Variants in METTL15 observed in about 807,000 individuals in gnomAD.
METTL15 encodes methyltransferase 15, mitochondrial 12S rRNA N4-cytidine, also known as 12S rRNA N(4)-cytidine methyltransferase METTL15.
A neutral mutation model predicts 38.3 loss-of-function variants in METTL15; 34 were observed. The ratio of observed to expected loss-of-function variants is 0.89; its 90% CI spans 0.68 to 1.18. The LOEUF (loss-of-function observed/expected upper bound fraction) is 1.18. Ranked by LOEUF, METTL15 falls within the 50% of genes most tolerant of loss-of-function variation. The pLI, the probability that METTL15 is intolerant of heterozygous loss-of-function variation, is 0.00. For synonymous variants in METTL15, 162 were observed against 170.9 expected (o/e 0.95, Z 0.41); for missense variants, 438 against 498.4 (o/e 0.88, Z 1.15).
chr11:28,482,044 C>T (rs967761391), intron 6 of METTL15, among the ~76,000 whole-genome samples: 1 of 152,094 alleles, frequency 6.6e-6, no homozygotes, highest in Admixed American at 6.5e-5. Context: ...CCTAGGCACC[C>T]CTGCTGCAAG....
chr11:28,473,906 A>C (rs1230268072), intron 6 of METTL15, among the ~76,000 whole-genome samples: 2 of 151,844 alleles, frequency 1.3e-5, no homozygotes, highest in African/African-American at 4.8e-5. Flanking sequence ...CTTCATCTGA[A>C]GTTTTTATGC....
chr11:28,136,475 T>A (rs1849518062), intron 3 of METTL15, among the ~76,000 whole-genome samples: 1 of 152,160 alleles, frequency 6.6e-6, no homozygotes, highest in African/African-American at 2.4e-5. Context: ...CTCTTTCCTT[T>A]ATAAATTACC....
intron 5 of METTL15, among the ~76,000 whole-genome samples, chr11:28,392,657 G>T (rs1271343262): frequency 6.6e-6 from 1 of 152,028 alleles, no homozygotes; most frequent in Non-Finnish European, 1.5e-5. Context: ...CAGACAAATG[G>T]TACTATATCA....
intron 5 of METTL15, among the ~76,000 whole-genome samples, chr11:28,386,331 A>G (rs1019081436): frequency 6.6e-6 from 1 of 152,030 alleles, no homozygotes; most frequent in Non-Finnish European, 1.5e-5. Flanking sequence ...AAATCCGACT[A>G]TAAGCTGTCT....
At chr11:28,349,061 C>G (rs750653760) in intron 3 of METTL15, among the ~76,000 whole-genome samples, 2 of 152,178 alleles carry the variant, frequency 1.3e-5, no homozygotes, top group Non-Finnish European at 2.9e-5. Flanking sequence ...CAGCAGATAG[C>G]TAGGAACCAC....
intron 4 of METTL15, among the ~76,000 whole-genome samples, chr11:28,279,676 G>A (rs1194013990): frequency 3.3e-5 from 5 of 152,078 alleles, no homozygotes; most frequent in Non-Finnish European, 5.9e-5. Context: ...CGAGGCAGGT[G>A]GATCACAAGG....
intron 6 of METTL15, among the ~76,000 whole-genome samples, chr11:28,428,865 C>T (rs1417658745): frequency 6.6e-6 from 1 of 152,170 alleles, no homozygotes; most frequent in Non-Finnish European, 1.5e-5. Flanking sequence ...ACTGGCAGAT[C>T]CCCTTCCTAT....
chr11:28,530,757 G>A (rs1409555705), downstream of METTL15, among the ~76,000 whole-genome samples: 1 of 151,634 alleles, frequency 6.6e-6, no homozygotes, highest in Non-Finnish European at 1.5e-5. Flanking sequence ...TATTATTTTT[G>A]TAATAATGAA....
At chr11:28,144,398 C>A (rs995359683) in intron 3 of METTL15, among the ~76,000 whole-genome samples, 1 of 152,092 alleles carries the variant, frequency 6.6e-6, no homozygotes, top group Admixed American at 6.6e-5. Context: ...ATATAATATT[C>A]GCAGTCTTAG....
At chr11:28,333,751 ATATAT>A (rs1281717975), downstream of METTL15, among the ~76,000 whole-genome samples, 2 of 151,816 alleles carry the variant, frequency 1.3e-5, no homozygotes, top group African/African-American at 4.8e-5. Context: ...GTAGTATATG[ATATAT>A]TATTTGTGCT....
At chr11:28,341,210 A>G (rs1216999390) in intron 3 of METTL15, among the ~76,000 whole-genome samples, 1 of 152,106 alleles carries the variant, frequency 6.6e-6, no homozygotes, top group Non-Finnish European at 1.5e-5. Flanking sequence ...TAGGAGAAAT[A>G]CCTATTGTAG....
Position 28,296,933 on chromosome 11 carries a change from T to C in METTL15, c.778+2T>C, listed in dbSNP as rs1160034492. ...AGCAGCTTGCCAGCATCGTTGCAGG[T>C]AGCCTCATTAATTCTCAACAGTGTC... On this transcript the variant is annotated splice_donor_variant, in intron 6 of 6. Coordinates refer to ENST00000407364, the MANE Select transcript of METTL15 (RefSeq NM_001113528.2). LOFTEE classifies it high-confidence loss of function. 6.2e-7 allele frequency: 1 copy of C among 1,613,208 alleles called. No homozygotes were observed. The highest frequency in any genetic ancestry group is 8.5e-7 in the Non-Finnish European group (1 of 1,179,572).
At chr11:28,247,239 C>T (rs982549381) in intron 4 of METTL15, among the ~76,000 whole-genome samples, 4 of 151,896 alleles carry the variant, frequency 2.6e-5, no homozygotes, top group Non-Finnish European at 5.9e-5. Context: ...ATATGTCCAT[C>T]GTGGTATATC....
chr11:28,218,710 C>G (rs1446351847), intron 4 of METTL15, among the ~76,000 whole-genome samples: 1 of 152,036 alleles, frequency 6.6e-6, no homozygotes, highest in Non-Finnish European at 1.5e-5. Context: ...ATAAATAGCT[C>G]TTATTATTTT....
chr11:28,169,910 G>A (rs1018826238), intron 3 of METTL15, among the ~76,000 whole-genome samples: 2 of 151,940 alleles, frequency 1.3e-5, no homozygotes, highest in Admixed American at 1.3e-4. Context: ...CTGAACACAA[G>A]CAAAATTTGT....
intron 3 of METTL15, among the ~76,000 whole-genome samples, chr11:28,209,163 T>A (rs1331408080): frequency 6.6e-6 from 1 of 152,032 alleles, no homozygotes; most frequent in African/African-American, 2.4e-5. Context: ...TGATGATTTT[T>A]CTTTAAATAT....
chr11:28,341,733 C>T (rs753046128), intron 3 of METTL15, among the ~76,000 whole-genome samples: 1 of 152,164 alleles, frequency 6.6e-6, no homozygotes, highest in Non-Finnish European at 1.5e-5. Flanking sequence ...TAAAATAACA[C>T]ATCTCTACTT....
intron 4 of METTL15, among the ~76,000 whole-genome samples, chr11:28,259,451 C>G (rs1456097473): frequency 1.3e-5 from 2 of 152,116 alleles, no homozygotes; most frequent in African/African-American, 4.8e-5. Context: ...CTAGGACATG[C>G]CTGGGAGTTG....
At chr11:28,400,350 A>G (rs951679559) in intron 5 of METTL15, among the ~76,000 whole-genome samples, 1 of 151,902 alleles carries the variant, frequency 6.6e-6, no homozygotes, top group African/African-American at 2.4e-5. Context: ...GCATGACTGC[A>G]CTCAAAGTTA....
Sources: gnomAD v4.1 joint callset for allele counts (sites outside exome capture counted in the v4.1 genomes callset) on GRCh38, gnomAD v4.1.1 for gene constraint, MANE v1.5 for transcripts, NCBI Gene and HGNC (gene_info 2026-07-23, HGNC 2026-07-21) for gene names.